AKAP12: variants seen among roughly 807,000 people sequenced by gnomAD.
AKAP12 encodes A-kinase anchoring protein 12.
A neutral mutation model predicts 79.9 loss-of-function variants in AKAP12; 32 were observed. The ratio of observed to expected loss-of-function variants is 0.40; its 90% CI spans 0.30 to 0.54. The LOEUF (loss-of-function observed/expected upper bound fraction) is 0.54. Among genes scored for constraint, AKAP12 ranks in the 20% least tolerant of loss-of-function variants. AKAP12 has a pLI of 0.48. For missense variants in AKAP12, 2,074 were observed against 2,177.0 expected (o/e 0.95, Z 0.94); for synonymous variants, 808 against 857.0 (o/e 0.94, Z 1.00).
At position 151,240,672 on chromosome 6, in the gene AKAP12, C is replaced by A; in HGVS notation, c.110C>A (p.Ala37Glu). ...PSGGGPSAEA[A>E]PDTTADPAIA... ...GGCGGCGGCCCCTCGGCCGAGGCGG[C>A]GCCAGACACCACCGCGGACCCCGCC... The change falls in exon 2 of 5, where the codon GCG becomes GAG. Residue 37 changes from alanine (A) to glutamate (E), a missense_variant. This residue lies in a region of AKAP12 where 1,428 missense variants were observed against 1,451.0 expected (regional missense o/e 0.98). Transcript: ENST00000402676. 1 of 1,302,782 alleles carries A rather than the reference C, an allele frequency of 7.7e-7. No individual in the cohort carries two copies. Among genetic ancestry groups the A allele is most frequent in the Non-Finnish European group, 9.7e-7 (1 of 1,029,318 alleles). 80.7% of individuals were successfully genotyped at this position (1,302,782 alleles called of 1,614,324 possible). A position where few individuals can be genotyped will look rare whatever the true frequency, so the allele number is the denominator to read the frequency against.
intron 2 of AKAP12, among the ~76,000 whole-genome samples, chr6:151,253,134 A>T (rs1797218819): frequency 6.6e-6 from 1 of 152,126 alleles, no homozygotes; most frequent in African/African-American, 2.4e-5. Flanking sequence ...TCACTCCCTG[A>T]TATTGACCAC....
chr6:151,348,247 A>C (rs1450584575), intron 3 of AKAP12: 1 of 393,500 alleles, frequency 2.5e-6, no homozygotes, highest in Non-Finnish European at 5.0e-6. Flanking sequence ...GAATCACTTG[A>C]ACCTAGGACA....
intron 3 of AKAP12, among the ~76,000 whole-genome samples, chr6:151,334,723 G>A (rs1321517702): frequency 1.3e-5 from 2 of 150,912 alleles, no homozygotes; most frequent in Non-Finnish European, 3.0e-5. Flanking sequence ...CCGGGTTCAC[G>A]CCATTCTCCT....
chr6:151,274,645 G>T (rs1269870034), intron 2 of AKAP12, among the ~76,000 whole-genome samples: 1 of 152,124 alleles, frequency 6.6e-6, no homozygotes, highest in Non-Finnish European at 1.5e-5. Context: ...AAAAATAGAA[G>T]TTCCTATTTA....
At chr6:151,301,945 C>A (rs1413761061) in intron 2 of AKAP12, among the ~76,000 whole-genome samples, 1 of 151,808 alleles carries the variant, frequency 6.6e-6, no homozygotes, top group African/African-American at 2.4e-5. Context: ...AGCATTTGAC[C>A]TCAGTTTTTA....
In AKAP12 at chr6:151,351,722, G is replaced by A. The variant is rs1468836610; in HGVS notation, c.3331G>A (p.Val1111Met). ...AKTEPFTQGK[V>M]VGQTTPESFE... ...AACTGAGCCTTTTACACAAGGGAAGGTGGTGGGGCAGACCACCCCAGAAAG... is the reference window on the plus strand; with the variant it reads ...AACTGAGCCTTTTACACAAGGGAAGATGGTGGGGCAGACCACCCCAGAAAG... The change falls in exon 4 of 5, where the codon GTG (valine) becomes ATG (methionine). Residue 1111 changes from valine to methionine, a missense_variant. Physicochemically the swap from Val to Met is conservative, Grantham distance 21. Transcript: ENST00000402676. The surrounding 1 kb of genome is among the most constrained non-coding windows in gnomAD (Gnocchi z 4.4). 4.3e-6 allele frequency: 7 copies of A among 1,614,066 alleles called. No individual in the cohort carries two copies. Among genetic ancestry groups the A allele is most frequent in the Middle Eastern group, 1.6e-4 (1 of 6,084 alleles).
At chr6:151,253,671 G>A (rs1797234732) in intron 2 of AKAP12, among the ~76,000 whole-genome samples, 2 of 152,054 alleles carry the variant, frequency 1.3e-5, no homozygotes, top group Non-Finnish European at 1.5e-5. Context: ...GTCTACAAGA[G>A]ATTGCTAAGA....
chr6:151,346,673 C>T (rs1022037768), intron 3 of AKAP12, among the ~76,000 whole-genome samples: 1 of 152,180 alleles, frequency 6.6e-6, no homozygotes, highest in African/African-American at 2.4e-5. Flanking sequence ...CAGATTTCTC[C>T]ATTGCCAAGG....
intron 2 of AKAP12, among the ~76,000 whole-genome samples, chr6:151,295,012 A>G (rs1399187838): frequency 6.6e-6 from 1 of 152,250 alleles, no homozygotes; most frequent in African/African-American, 2.4e-5. Flanking sequence ...TGTCTGCGTC[A>G]GAGTTTCCCA....
At chr6:151,257,170 G>A (rs1247333974) in intron 2 of AKAP12, among the ~76,000 whole-genome samples, 1 of 152,078 alleles carries the variant, frequency 6.6e-6, no homozygotes, top group African/African-American at 2.4e-5. Context: ...GCTGAGCGTA[G>A]TACCTAATAG....
intron 3 of AKAP12, among the ~76,000 whole-genome samples, chr6:151,316,662 G>A (rs1777242629): frequency 2.6e-5 from 4 of 152,146 alleles, no homozygotes; most frequent in African/African-American, 7.2e-5. Context: ...ACACGGTATC[G>A]CTCTGTCACC....
intron 2 of AKAP12, among the ~76,000 whole-genome samples, chr6:151,266,971 C>G (rs559244406): frequency 7.1e-6 from 1 of 140,708 alleles, no homozygotes; most frequent in Non-Finnish European, 1.5e-5. Context: ...GAGCCGAGAT[C>G]GCGCCACTGC....
chr6:151,314,392 A>G (rs937162285), intron 3 of AKAP12, among the ~76,000 whole-genome samples: 1 of 152,208 alleles, frequency 6.6e-6, no homozygotes, highest in Non-Finnish European at 1.5e-5. Context: ...AAAAAGTTCA[A>G]GGGGGGAATT....
At chr6:151,309,234 T>C (rs1562731967) in intron 3 of AKAP12, among the ~76,000 whole-genome samples, 1 of 152,188 alleles carries the variant, frequency 6.6e-6, no homozygotes, top group Non-Finnish European at 1.5e-5. Context: ...GACAGTTTGC[T>C]GTAGGATAGA....
intron 2 of AKAP12, among the ~76,000 whole-genome samples, chr6:151,299,476 A>C: frequency 6.6e-6 from 1 of 152,230 alleles, no homozygotes; most frequent in Admixed American, 6.5e-5. Flanking sequence ...GATTTGGTAC[A>C]TATTGTTCCA....
intron 3 of AKAP12, among the ~76,000 whole-genome samples, chr6:151,306,593 C>T (rs747500841): frequency 3.9e-5 from 6 of 152,114 alleles, no homozygotes; most frequent in East Asian, 1.9e-4. Flanking sequence ...ATTCGGCATA[C>T]GGTAAATTGA....
At chr6:151,295,877 G>T (rs1238083927) in intron 2 of AKAP12, among the ~76,000 whole-genome samples, 2 of 152,292 alleles carry the variant, frequency 1.3e-5, no homozygotes, top group South Asian at 4.1e-4. Flanking sequence ...TGGAGGGAAG[G>T]GGCCACAGGG....
chr6:151,343,354 C>T (rs1271009641), intron 3 of AKAP12, among the ~76,000 whole-genome samples: 2 of 152,146 alleles, frequency 1.3e-5, no homozygotes, highest in African/African-American at 4.8e-5. Context: ...GTATTCTGTA[C>T]TAGTGAAATC....
intron 2 of AKAP12, among the ~76,000 whole-genome samples, chr6:151,247,556 C>G (rs1057027728): frequency 1.4e-4 from 22 of 152,204 alleles, no homozygotes; most frequent in African/African-American, 4.3e-4. Context: ...AATGAACCAT[C>G]TTTAAATTTA....
Sources: gnomAD v4.1 joint callset for allele counts (sites outside exome capture counted in the v4.1 genomes callset) on GRCh38, gnomAD v4.1.1 for gene constraint, gnomAD v4.1.1 regional missense constraint, Gnocchi (gnomAD v3.1) non-coding constraint, MANE v1.5 for transcripts, NCBI Gene and HGNC (gene_info 2026-07-23, HGNC 2026-07-21) for gene names.